Variants in RMST observed in about 807,000 individuals in gnomAD.
The protein encoded by RMST is rhabdomyosarcoma 2 associated transcript.
intron 11 of RMST, chr12:97,532,969 G>T (rs1032155203): frequency 1.3e-5 from 2 of 151,730 alleles, no homozygotes; most frequent in South Asian, 2.1e-4. Flanking sequence ...CATCGAGCAG[G>T]TCGTATGTCA....
chr12:97,548,367 G>A (rs542607758), intron 11 of RMST, among the ~76,000 whole-genome samples: 92 of 152,126 alleles, frequency 6.0e-4, no homozygotes, highest in African/African-American at 2.1e-3. Context: ...GATTGCTTTG[G>A]CTATTCACAG....
chr12:97,501,681 C>G (rs1223721262), intron 10 of RMST, among the ~76,000 whole-genome samples: 1 of 152,122 alleles, frequency 6.6e-6, no homozygotes, highest in Non-Finnish European at 1.5e-5. Context: ...GCATTGGTCC[C>G]CTTTTCAGCA....
At chr12:97,521,553 A>G (rs1301109007) in intron 10 of RMST, among the ~76,000 whole-genome samples, 1 of 152,158 alleles carries the variant, frequency 6.6e-6, no homozygotes, top group Non-Finnish European at 1.5e-5. Context: ...TCTAATCATA[A>G]CTCTATAATA....
chr12:97,493,434 G>A (rs566461620), intron 7 of RMST: 3 of 152,418 alleles, frequency 2.0e-5, no homozygotes, highest in Non-Finnish European at 4.4e-5. Context: ...ATGAGAAAAT[G>A]TAAGTAGAAT....
At chr12:97,462,959 C>T (rs952281056) in intron 3 of RMST, 3 of 150,166 alleles carry the variant, frequency 2.0e-5, no homozygotes, top group Admixed American at 6.7e-5. Context: ...CGGCTTTGAT[C>T]ATATTTGTTC....
chr12:97,560,774 T>G (rs1029357361), intron 12 of RMST: 1 of 152,182 alleles, frequency 6.6e-6, no homozygotes, highest in African/African-American at 2.4e-5. Flanking sequence ...CTATAAAGTT[T>G]TCCTTTTAAA....
At chr12:97,523,478 G>A (rs576531165) in intron 10 of RMST, among the ~76,000 whole-genome samples, 8 of 152,170 alleles carry the variant, frequency 5.3e-5, no homozygotes, top group Non-Finnish European at 1.2e-4. Context: ...GATTTTGAAT[G>A]TTCTCACCTC....
At chr12:97,495,430 G>A (rs1202867217) in intron 9 of RMST, among the ~76,000 whole-genome samples, 1 of 152,104 alleles carries the variant, frequency 6.6e-6, no homozygotes, top group Non-Finnish European at 1.5e-5. Context: ...CTGAACATAA[G>A]TAAAATTCCA....
chr12:97,485,186 T>C (rs980486408), intron 5 of RMST, among the ~76,000 whole-genome samples: 44 of 152,330 alleles, frequency 2.9e-4, no homozygotes, highest in African/African-American at 9.1e-4. Flanking sequence ...ATTCCAAAGA[T>C]TTATTCTCAG....
intron 10 of RMST, among the ~76,000 whole-genome samples, chr12:97,529,514 A>G (rs1010373746): frequency 4.6e-5 from 7 of 152,120 alleles, no homozygotes; most frequent in African/African-American, 1.7e-4. Flanking sequence ...CCCATCCCAG[A>G]AAGACCTACT....
intron 10 of RMST, among the ~76,000 whole-genome samples, chr12:97,499,716 A>G (rs897961438): frequency 2.1e-5 from 3 of 145,994 alleles, no homozygotes; most frequent in Admixed American, 7.0e-5. Context: ...CTGGAGTGCA[A>G]TGGCACGATC....
chr12:97,519,556 C>T (rs1315056449), intron 10 of RMST, among the ~76,000 whole-genome samples: 1 of 152,194 alleles, frequency 6.6e-6, no homozygotes, highest in Non-Finnish European at 1.5e-5. Context: ...TAATGTTCCA[C>T]AATCGTATAA....
At chr12:97,535,654 A>T (rs2136604812) in intron 11 of RMST, among the ~76,000 whole-genome samples, 1 of 151,822 alleles carries the variant, frequency 6.6e-6, no homozygotes, top group South Asian at 2.1e-4. Context: ...TCTTTGGGAT[A>T]ATCATAGCAT....
At chr12:97,520,892 T>A (rs1880444214) in intron 10 of RMST, among the ~76,000 whole-genome samples, 2 of 152,224 alleles carry the variant, frequency 1.3e-5, no homozygotes, top group Admixed American at 1.3e-4. Context: ...CTGGGCAGTG[T>A]TCCTCTGTTT....
chr12:97,511,954 T>G (rs1447567442), intron 10 of RMST, among the ~76,000 whole-genome samples: 2 of 152,234 alleles, frequency 1.3e-5, no homozygotes, highest in Non-Finnish European at 2.9e-5. Context: ...TGTCCGGAAT[T>G]GGTGAGTTCT....
At chr12:97,561,883 A>T (rs1884138004) in intron 13 of RMST, among the ~76,000 whole-genome samples, 1 of 152,116 alleles carries the variant, frequency 6.6e-6, no homozygotes, top group South Asian at 2.1e-4. Flanking sequence ...ACATTAAATC[A>T]ATCAATCTGT....
chr12:97,491,378 G>A (rs898225797), intron 5 of RMST, among the ~76,000 whole-genome samples: 1 of 152,118 alleles, frequency 6.6e-6, no homozygotes, highest in African/African-American at 2.4e-5. Context: ...CAGATGAGTC[G>A]AGGGCACGGT....
At chr12:97,538,711 T>C (rs73224521) in intron 11 of RMST, among the ~76,000 whole-genome samples, 104 of 151,548 alleles carry the variant, frequency 6.9e-4, no homozygotes, top group Admixed American at 3.3e-3. Flanking sequence ...GTTTGGCACA[T>C]TTAATTTAGG....
At chr12:97,540,891 A>G (rs1292142605) in intron 11 of RMST, among the ~76,000 whole-genome samples, 1 of 151,496 alleles carries the variant, frequency 6.6e-6, no homozygotes, top group Non-Finnish European at 1.5e-5. Flanking sequence ...AAAATTTCCA[A>G]TCACTGTGAG....
Sources: allele counts gnomAD v4.1 joint callset (sites outside exome capture counted in the v4.1 genomes callset), GRCh38; gene constraint gnomAD v4.1.1; transcripts MANE v1.5; gene names NCBI Gene and HGNC (gene_info 2026-07-23, HGNC 2026-07-21).